The following KANSL1L variants were observed in gnomAD, a reference collection of about 807,000 sequenced individuals.
KANSL1L encodes the protein KAT8 regulatory NSL complex subunit 1 like, also known as KAT8 regulatory NSL complex subunit 1-like protein.
In KANSL1L, 25 loss-of-function variants were observed where a neutral mutation model predicts 108.6. The observed-to-expected ratio is 0.23, with a 90% confidence interval of 0.17 to 0.32. The LOEUF (loss-of-function observed/expected upper bound fraction) is 0.32, where lower values mean the gene tolerates loss of function less well. Ranked by LOEUF, KANSL1L falls within the 10% of genes least tolerant of loss-of-function variation. The probability of loss-of-function intolerance (pLI) is 1.00; values close to 1 mark genes in which losing one functional copy is unlikely to be tolerated. For missense variants in KANSL1L, 1,137 were observed against 1,125.7 expected (o/e 1.01, Z -0.14); for synonymous variants, 405 against 395.1 (o/e 1.03, Z -0.30).
At chr2:210,108,570 A>G (rs974784714) in intron 3 of KANSL1L, among the ~76,000 whole-genome samples, 2 of 152,182 alleles carry the variant, frequency 1.3e-5, no homozygotes, top group Non-Finnish European at 2.9e-5. Context: ...TTTCTTTGAA[A>G]TATCTAAATT....
chr2:210,125,148 G>A (rs1290473687), intron 3 of KANSL1L, among the ~76,000 whole-genome samples: 1 of 152,124 alleles, frequency 6.6e-6, no homozygotes, highest in Non-Finnish European at 1.5e-5. Flanking sequence ...CAGCTACTCA[G>A]GGGGCTGAGG....
At chr2:210,146,594 T>C (rs952791065) in intron 2 of KANSL1L, among the ~76,000 whole-genome samples, 1 of 152,206 alleles carries the variant, frequency 6.6e-6, no homozygotes, top group Non-Finnish European at 1.5e-5. Context: ...ACACATATTA[T>C]ATAGAAGTCT....
At chr2:210,111,242 T>G (rs936307207) in intron 3 of KANSL1L, among the ~76,000 whole-genome samples, 2 of 151,826 alleles carry the variant, frequency 1.3e-5, no homozygotes, top group African/African-American at 2.4e-5. Context: ...CAACCTAAAT[T>G]TCCATGACCT....
At chr2:210,134,177 C>T (rs1486521979) in intron 2 of KANSL1L, among the ~76,000 whole-genome samples, 1 of 152,042 alleles carries the variant, frequency 6.6e-6, no homozygotes, top group Non-Finnish European at 1.5e-5. Flanking sequence ...AATGACTATT[C>T]CCTTGTTAGC....
intron 3 of KANSL1L, among the ~76,000 whole-genome samples, chr2:210,112,310 G>T (rs989292558): frequency 3.9e-5 from 6 of 152,052 alleles, no homozygotes; most frequent in Non-Finnish European, 7.4e-5. Context: ...AACTGAAACT[G>T]GATCCCTTCC....
intron 14 of KANSL1L, 72 bp downstream of exon 14, chr2:210,023,961 T>C: frequency 9.5e-7 from 1 of 1,055,388 alleles, no homozygotes; most frequent in South Asian, 2.0e-5. Flanking sequence ...CTTAATTTTT[T>C]TCAAGTAGTT....
rs112921480 is a variant in KANSL1L, at chr2:210,123,456, C to T, written c.1230+5575G>A. Among the ~76,000 whole-genome samples the T allele has an allele frequency of 6.0e-3, 909 of 152,096 alleles. 11 individuals carry two copies. The highest frequency in any genetic ancestry group is 0.021 in the African/African-American group (868 of 41,506). ...GAAAGACAAATTGTGCATGTTCTCA[C>T]TTGTTTGTAGGAGCTTAAAAAATTA... On this transcript the variant is annotated intron_variant, in intron 3 of 14. Coordinates refer to ENST00000281772, the MANE Select transcript of KANSL1L (RefSeq NM_152519.4).
intron 6 of KANSL1L, among the ~76,000 whole-genome samples, chr2:210,059,491 G>A (rs553430255): frequency 6.6e-6 from 1 of 152,178 alleles, no homozygotes; most frequent in Non-Finnish European, 1.5e-5. Context: ...ACTAAAATGT[G>A]CTGCTTCCCT....
At chr2:210,024,352 A>AT (rs2125111281) in intron 13 of KANSL1L, 151 bp from the exon 14 acceptor site, 1 of 483,924 alleles carries the variant, frequency 2.1e-6, no homozygotes, top group Non-Finnish European at 3.6e-6. Context: ...GGTGCTATTT[A>AT]TTATTTTCAT....
intron 7 of KANSL1L, among the ~76,000 whole-genome samples, chr2:210,042,411 A>C (rs2094175142): frequency 6.6e-6 from 1 of 152,214 alleles, no homozygotes; most frequent in Non-Finnish European, 1.5e-5. Context: ...TAAGAGTCTT[A>C]GGATAAAGAG....
At chr2:210,155,154 G>C (rs1329797521) in intron 1 of KANSL1L, 1 of 152,186 alleles carries the variant, frequency 6.6e-6, no homozygotes, top group African/African-American at 2.4e-5. Flanking sequence ...GCTCACACCT[G>C]TAATCCCAGT....
chr2:210,074,247 T>C (rs916645703), intron 6 of KANSL1L, among the ~76,000 whole-genome samples: 47 of 152,206 alleles, frequency 3.1e-4, no homozygotes, highest in African/African-American at 1.1e-3. Context: ...AAATCCTTTC[T>C]TTCTCTTCAC....
chr2:210,172,446 C>T (rs1688385803), upstream of KANSL1L, among the ~76,000 whole-genome samples: 1 of 152,162 alleles, frequency 6.6e-6, no homozygotes, highest in Non-Finnish European at 1.5e-5. Context: ...AAGCGTAATC[C>T]GTAACATAGA....
chr2:210,136,681 G>A (rs2095176756), intron 2 of KANSL1L, among the ~76,000 whole-genome samples: 1 of 152,082 alleles, frequency 6.6e-6, no homozygotes, highest in African/African-American at 2.4e-5. Flanking sequence ...TCCAAACCCT[G>A]CAATTACAAA....
At chr2:210,059,155 A>T (rs982463064) in intron 6 of KANSL1L, among the ~76,000 whole-genome samples, 21 of 151,860 alleles carry the variant, frequency 1.4e-4, no homozygotes, top group Non-Finnish European at 2.9e-4. Context: ...AAAAAAAAAA[A>T]AGATCTGGAG....
chr2:210,080,756 T>G lies in KANSL1L; in HGVS notation c.1551-5000A>C, dbSNP rs186138459. ...AACCAGTAAGAATTCATGTCAAACA[T>G]AAATTTGTATCAGCCCCTTTTGTGG... On this transcript the variant is annotated intron_variant, in intron 5 of 14. Coordinates refer to ENST00000281772, the MANE Select transcript of KANSL1L (RefSeq NM_152519.4). Among the ~76,000 whole-genome samples the G allele has an allele frequency of 2.8e-3, 425 of 152,176 alleles. 2 individuals carry two copies. The highest frequency in any genetic ancestry group is 4.6e-3 in the Non-Finnish European group (316 of 67,994).
chr2:210,170,277 A>T, intron 1 of KANSL1L: 2 of 809,286 alleles, frequency 2.5e-6, no homozygotes, highest in Non-Finnish European at 3.0e-6. Context: ...TTTGTCTCCT[A>T]AACCTCGCCA....
intron 6 of KANSL1L, among the ~76,000 whole-genome samples, chr2:210,074,269 A>C (rs1399894902): frequency 6.6e-6 from 1 of 152,138 alleles, no homozygotes; most frequent in Non-Finnish European, 1.5e-5. Context: ...ATAACCTTCA[A>C]AACTCTGCTT....
chr2:210,081,490 A>G (rs2094589602), intron 5 of KANSL1L, among the ~76,000 whole-genome samples: 1 of 152,128 alleles, frequency 6.6e-6, no homozygotes, highest in Non-Finnish European at 1.5e-5. Context: ...GTGAGCACTC[A>G]CTGTTCACCT....
Sources: allele counts gnomAD v4.1 joint callset (sites outside exome capture counted in the v4.1 genomes callset), GRCh38; gene constraint gnomAD v4.1.1; transcripts MANE v1.5; gene names NCBI Gene and HGNC (gene_info 2026-07-23, HGNC 2026-07-21).